COL15A1: variants seen among roughly 807,000 people sequenced by gnomAD.
The protein encoded by COL15A1 is collagen type XV alpha 1 chain.
COL15A1 carries 111 observed loss-of-function variants against 165.9 expected under a neutral mutation model. The observed-to-expected ratio is 0.67, with a 90% CI of 0.57 to 0.78. The LOEUF (loss-of-function observed/expected upper bound fraction) is 0.78, where lower values mean the gene tolerates loss of function less well. Among genes scored for constraint, COL15A1 ranks in the 30% least tolerant of loss-of-function variants. The pLI is 0.00. For synonymous variants in COL15A1, 659 were observed against 674.8 expected (o/e 0.98, Z 0.36); for missense variants, 1,745 against 1,789.7 (o/e 0.98, Z 0.45).
At chr9:98,988,730 C>T (rs1024813400) in intron 4 of COL15A1, among the ~76,000 whole-genome samples, 1 of 152,092 alleles carries the variant, frequency 6.6e-6, no homozygotes, top group Non-Finnish European at 1.5e-5. Context: ...GGAGACCAGC[C>T]TGGCCAACAT....
At chr9:99,067,598 C>T (rs955300271) in intron 40 of COL15A1, among the ~76,000 whole-genome samples, 1 of 152,142 alleles carries the variant, frequency 6.6e-6, no homozygotes, top group Non-Finnish European at 1.5e-5. Context: ...GCAGAGAAAC[C>T]TCGTTGCCAC....
Position 99,056,294 on chromosome 9 carries a change from G to A in COL15A1, c.3227G>A (p.Gly1076Glu). 1 of 1,614,170 alleles carries A rather than the reference G, an allele frequency of 6.2e-7. No homozygotes were observed. Among genetic ancestry groups the A allele is most frequent in the Non-Finnish European group, 8.5e-7 (1 of 1,180,026 alleles). The change falls in exon 35 of 42, where the codon GGA (glycine) becomes GAA (glutamate). Residue 1076 changes from glycine to glutamate, a missense_variant. Coordinates refer to ENST00000375001, the MANE Select transcript of COL15A1 (RefSeq NM_001855.5). ...QKGETVVGPQ[G>E]PPGAPGLPGP... is the part of the protein sequence containing the mutation. Reference sequence around the variant, plus strand: ...GGGGAGACAGTCGTTGGGCCCCAAGGACCCCCAGGTGCTCCTGGTCTGCCT... The same window carrying A: ...GGGGAGACAGTCGTTGGGCCCCAAGAACCCCCAGGTGCTCCTGGTCTGCCT...
chr9:99,065,339 A>G (rs1825874223), intron 39 of COL15A1, among the ~76,000 whole-genome samples: 1 of 152,144 alleles, frequency 6.6e-6, no homozygotes, highest in Non-Finnish European at 1.5e-5. Context: ...GCCCCAAAGC[A>G]CACTGGTTGG....
intron 11 of COL15A1, among the ~76,000 whole-genome samples, chr9:99,018,332 C>G (rs1838971414): frequency 1.3e-5 from 2 of 152,174 alleles, no homozygotes; most frequent in Admixed American, 1.3e-4. Flanking sequence ...GAAACTGGGT[C>G]AGTTTCTTCC....
chr9:98,971,092 C>T (rs1838042838), intron 2 of COL15A1, among the ~76,000 whole-genome samples: 1 of 152,162 alleles, frequency 6.6e-6, no homozygotes, highest in Non-Finnish European at 1.5e-5. Context: ...TATCCTCCTC[C>T]CTTTCTCATC....
chr9:99,003,559 C>G lies in COL15A1; in HGVS notation c.1172C>G (p.Thr391Arg). 1 of 1,552,204 alleles carries G rather than the reference C, an allele frequency of 6.4e-7. No homozygotes were observed. Among genetic ancestry groups the G allele is most frequent in the Non-Finnish European group, 8.7e-7 (1 of 1,148,478 alleles). Residue 391 changes from threonine to arginine, a missense_variant, in exon 8 of 42, where the codon ACG (threonine) becomes AGG (arginine). By Grantham distance (71) the Thr-to-Arg change is moderately conservative. Transcript: ENST00000375001. ...GGGGGACCAACCCTCTCTATGTCCA[C>G]GGAGAACCCAGAGGAAGGGGTCACT... ...PTGGPTLSMS[T>R]ENPEEGVTPG...
intron 30 of COL15A1, 102 bp downstream of exon 30, chr9:99,049,997 C>T: frequency 1.3e-6 from 2 of 1,494,262 alleles, no homozygotes; most frequent in South Asian, 1.1e-5. Flanking sequence ...CTCAAATGTC[C>T]TCTCTGATGT....
At chr9:98,959,119 G>C (rs1361853244) in intron 2 of COL15A1, among the ~76,000 whole-genome samples, 1 of 150,468 alleles carries the variant, frequency 6.6e-6, no homozygotes, top group Non-Finnish European at 1.5e-5. Context: ...GGCCAGGCAT[G>C]GTGGCTCACA....
intron 5 of COL15A1, among the ~76,000 whole-genome samples, chr9:98,995,003 C>T (rs924673030): frequency 6.6e-6 from 1 of 152,104 alleles, no homozygotes; most frequent in Non-Finnish European, 1.5e-5. Context: ...TTCCTGAACC[C>T]TCACCTGCCC....
chr9:98,994,110 G>T (rs1383524468), intron 5 of COL15A1, among the ~76,000 whole-genome samples: 1 of 139,742 alleles, frequency 7.2e-6, no homozygotes, highest in Admixed American at 7.8e-5. Context: ...GTAAGTGTGT[G>T]TTGGGGGTGG....
chr9:99,057,220 T>G (rs1326300354), intron 35 of COL15A1, among the ~76,000 whole-genome samples: 2 of 152,186 alleles, frequency 1.3e-5, no homozygotes, highest in East Asian at 3.8e-4. Context: ...GTATCCTCAT[T>G]GTATCTTTTT....
At chr9:99,003,926 G>A (rs1016105057) in intron 8 of COL15A1, among the ~76,000 whole-genome samples, 7 of 152,116 alleles carry the variant, frequency 4.6e-5, no homozygotes, top group African/African-American at 1.7e-4. Flanking sequence ...GCCCAGACTC[G>A]GGGGCACAGA....
intron 21 of COL15A1, among the ~76,000 whole-genome samples, chr9:99,037,389 A>C (rs1260912770): frequency 6.6e-6 from 1 of 152,076 alleles, no homozygotes; most frequent in East Asian, 1.9e-4. Flanking sequence ...ATGGGCATGC[A>C]CTCTGCATCA....
chr9:99,058,470 A>T (rs990064423), intron 35 of COL15A1, among the ~76,000 whole-genome samples: 1 of 152,304 alleles, frequency 6.6e-6, no homozygotes. Flanking sequence ...GCCATGAGGG[A>T]GGAGTAGGAC....
chr9:98,997,046 A>C lies in COL15A1; in HGVS notation c.917A>C (p.Asn306Thr), dbSNP rs771327894. 3 of 1,614,110 alleles carry C rather than the reference A, an allele frequency of 1.9e-6. No homozygotes were observed. Among genetic ancestry groups the C allele is most frequent in the East Asian group, 2.2e-5 (1 of 44,896 alleles). Reference sequence around the variant, plus strand: ...CCCGAGGGGACCCTGGAAACCACCAACATGAGCATCATCCAGCACAGCAGC... The same window carrying C: ...CCCGAGGGGACCCTGGAAACCACCACCATGAGCATCATCCAGCACAGCAGC... Reference protein sequence around the residue: ...PVPEGTLETTNMSIIQHSSPK... With the variant: ...PVPEGTLETTTMSIIQHSSPK... Residue 306 changes from asparagine (N) to threonine (T), a missense_variant, in exon 6 of 42, where the codon AAC becomes ACC. By Grantham distance (65) the Asn-to-Thr change is moderately conservative. Transcript: ENST00000375001.
At chr9:99,030,687 A>T (rs1047705758) in intron 16 of COL15A1, among the ~76,000 whole-genome samples, 2 of 152,230 alleles carry the variant, frequency 1.3e-5, no homozygotes, top group Non-Finnish European at 2.9e-5. Flanking sequence ...GAAACAATTC[A>T]GTTTTTCACT....
intron 4 of COL15A1, among the ~76,000 whole-genome samples, 155 bp from the exon 5 acceptor site, chr9:98,989,023 G>GACACACACACACACACACACAC (rs67974914): frequency 6.9e-6 from 1 of 144,296 alleles, no homozygotes; most frequent in African/African-American, 2.6e-5. Flanking sequence ...GTCTCTCATA[G>GACACACACACACACACACACAC]ACACACACAC....
chr9:98,958,253 A>G (rs571891624), intron 2 of COL15A1, among the ~76,000 whole-genome samples: 2 of 152,338 alleles, frequency 1.3e-5, no homozygotes, highest in East Asian at 3.9e-4. Flanking sequence ...TTCTAAAAGC[A>G]TCGTTAGCAT....
chr9:98,975,263 G>A (rs926184389), intron 2 of COL15A1, among the ~76,000 whole-genome samples: 4 of 152,240 alleles, frequency 2.6e-5, no homozygotes, highest in Non-Finnish European at 5.9e-5. Flanking sequence ...TCGTCTGTGA[G>A]AGGGAGCTTT....
Sources: allele counts gnomAD v4.1 joint callset (sites outside exome capture counted in the v4.1 genomes callset), GRCh38; gene constraint gnomAD v4.1.1; transcripts MANE v1.5; gene names NCBI Gene and HGNC (gene_info 2026-07-23, HGNC 2026-07-21).